VEPH1: variants seen among roughly 807,000 people sequenced by gnomAD.
The protein encoded by VEPH1 is ventricular zone expressed PH domain containing 1.
In VEPH1, 80 loss-of-function variants were observed where a neutral mutation model predicts 85.2. That is an observed-to-expected ratio of 0.94 (90% CI 0.78 to 1.13). The LOEUF is 1.13. VEPH1 is among the 50% of genes most tolerant of loss of function. The pLI is 0.00. For missense variants in VEPH1, 955 were observed against 980.5 expected (o/e 0.97, Z 0.35); for synonymous variants, 297 against 348.0 (o/e 0.85, Z 1.63).
intron 12 of VEPH1, among the ~76,000 whole-genome samples, chr3:157,277,348 A>C (rs113457632): frequency 6.6e-6 from 1 of 152,204 alleles, no homozygotes; most frequent in African/African-American, 2.4e-5. Flanking sequence ...GCACTTTCCC[A>C]TACTGCCTGC....
chr3:157,366,238 A>C (rs1010217108), intron 7 of VEPH1, among the ~76,000 whole-genome samples: 2 of 152,186 alleles, frequency 1.3e-5, no homozygotes, highest in African/African-American at 2.4e-5. Flanking sequence ...AGATGGTCTA[A>C]TGATTTTGTT....
intron 3 of VEPH1, among the ~76,000 whole-genome samples, chr3:157,461,738 T>C (rs1735892865): frequency 6.6e-6 from 1 of 152,072 alleles, no homozygotes; most frequent in Non-Finnish European, 1.5e-5. Flanking sequence ...GGAAAAAACA[T>C]ATCCCCACCC....
At chr3:157,309,663 A>G (rs1719877989) in intron 11 of VEPH1, among the ~76,000 whole-genome samples, 1 of 152,024 alleles carries the variant, frequency 6.6e-6, no homozygotes, top group Non-Finnish European at 1.5e-5. Flanking sequence ...TTATTTTTAT[A>G]TATTAAAAAT....
chr3:157,391,098 A>C (rs930079142), intron 6 of VEPH1, among the ~76,000 whole-genome samples: 2 of 152,088 alleles, frequency 1.3e-5, no homozygotes, highest in African/African-American at 2.4e-5. Context: ...TGTCACTCAC[A>C]CACCCCTTGC....
intron 9 of VEPH1, among the ~76,000 whole-genome samples, chr3:157,320,871 T>C (rs1246913839): frequency 6.6e-6 from 1 of 152,194 alleles, no homozygotes; most frequent in East Asian, 1.9e-4. Context: ...TCTTTGTTTC[T>C]TCTGCCACTC....
At chr3:157,489,335 C>A in intron 2 of VEPH1, 1 of 375,736 alleles carries the variant, frequency 2.7e-6, no homozygotes, top group Non-Finnish European at 5.3e-6. Flanking sequence ...AGCCTACAAC[C>A]TCAGGACTTT....
At chr3:157,480,068 TC>T (rs1366706454) in intron 2 of VEPH1, among the ~76,000 whole-genome samples, 3 of 122,276 alleles carry the variant, frequency 2.5e-5, no homozygotes, top group African/African-American at 6.9e-5. Flanking sequence ...TTTCTTTCTT[TC>T]CTTTCTTTCT....
intron 4 of VEPH1, among the ~76,000 whole-genome samples, chr3:157,442,059 A>G (rs1734165286): frequency 6.6e-6 from 1 of 152,214 alleles, no homozygotes; most frequent in Non-Finnish European, 1.5e-5. Flanking sequence ...AACAAAGAAA[A>G]TATGCAAATT....
intron 7 of VEPH1, among the ~76,000 whole-genome samples, chr3:157,379,355 C>T (rs887966260): frequency 6.6e-6 from 1 of 152,058 alleles, no homozygotes; most frequent in Non-Finnish European, 1.5e-5. Flanking sequence ...AATTTTCGTT[C>T]ATTCTGTGCA....
rs1352394665 is a variant in VEPH1 at position 157,364,457 on chromosome 3, T to C, written c.1183A>G (p.Ile395Val). Reference protein sequence around the residue: ...FPEKLEETKLIVTENEDHEKL... With the variant: ...FPEKLEETKLVVTENEDHEKL... ...TCATGGTCTTCATTTTCAGTTACTA[T>C]GAGCTTGGTTTCTTCCAGTTTCTCA... is the stretch of plus-strand genomic sequence containing the variant. Residue 395 changes from isoleucine (I) to valine (V), a missense_variant, in exon 8 of 14, where the codon ATA becomes GTA. Ile to Val is a conservative substitution (Grantham distance 29, BLOSUM62 3). Coordinates refer to ENST00000362010, the MANE Select transcript of VEPH1 (RefSeq NM_001167912.2). The C allele has an allele frequency of 1.4e-5, 22 of 1,613,200 alleles. No individual in the cohort carries two copies. The highest frequency in any genetic ancestry group is 1.8e-5 in the Non-Finnish European group (21 of 1,179,306).
intron 12 of VEPH1, among the ~76,000 whole-genome samples, chr3:157,279,357 TGTGCAGTGCATGG>T (rs932986908): frequency 3.3e-5 from 5 of 152,118 alleles, no homozygotes; most frequent in Non-Finnish European, 4.4e-5. Flanking sequence ...GACTGAACCA[TGTGCAGTGCATGG>T]GTGACTTGCA....
intron 9 of VEPH1, among the ~76,000 whole-genome samples, chr3:157,323,448 A>G (rs1403265093): frequency 6.6e-6 from 1 of 152,214 alleles, no homozygotes; most frequent in Non-Finnish European, 1.5e-5. Flanking sequence ...TAGGACACGT[A>G]GGTAATGGAA....
chr3:157,410,099 GT>G (rs1256372168), intron 6 of VEPH1, among the ~76,000 whole-genome samples: 1 of 152,126 alleles, frequency 6.6e-6, no homozygotes, highest in African/African-American at 2.4e-5. Flanking sequence ...TTATCTGACA[GT>G]TTGAACCCCT....
At chr3:157,383,294 C>T (rs1044619529) in intron 6 of VEPH1, among the ~76,000 whole-genome samples, 2 of 152,200 alleles carry the variant, frequency 1.3e-5, no homozygotes, top group East Asian at 1.9e-4. Flanking sequence ...ATCCCCCTCA[C>T]CTTTTATTTA....
intron 4 of VEPH1, chr3:157,459,864 A>T: frequency 6.5e-7 from 1 of 1,537,084 alleles, no homozygotes; most frequent in Non-Finnish European, 8.7e-7. Context: ...GTACACAGAG[A>T]TAAGATCTCC....
intron 7 of VEPH1, among the ~76,000 whole-genome samples, chr3:157,372,934 C>T (rs1025233610): frequency 6.6e-5 from 10 of 152,196 alleles, no homozygotes; most frequent in Non-Finnish European, 1.2e-4. Context: ...AAACAGTTTG[C>T]AGATGGGCAC....
At chr3:157,305,722 G>A (rs1002346519) in intron 11 of VEPH1, among the ~76,000 whole-genome samples, 1 of 152,162 alleles carries the variant, frequency 6.6e-6, no homozygotes, top group Non-Finnish European at 1.5e-5. Context: ...TTAGAAACGT[G>A]TGAGTGCCTT....
chr3:157,362,863 C>G (rs1029529297), intron 9 of VEPH1, among the ~76,000 whole-genome samples: 1 of 152,106 alleles, frequency 6.6e-6, no homozygotes, highest in African/African-American at 2.4e-5. Context: ...CATCTATACT[C>G]TAAACTCTAA....
chr3:157,375,610 A>G (rs928960657), intron 7 of VEPH1, among the ~76,000 whole-genome samples: 1 of 152,164 alleles, frequency 6.6e-6, no homozygotes, highest in Non-Finnish European at 1.5e-5. Context: ...AGGAAGACAG[A>G]TTTCCTGGAG....
Sources: gnomAD v4.1 joint callset for allele counts (sites outside exome capture counted in the v4.1 genomes callset) on GRCh38, gnomAD v4.1.1 for gene constraint, MANE v1.5 for transcripts, NCBI Gene and HGNC (gene_info 2026-07-23, HGNC 2026-07-21) for gene names.